Variants in RPS6KA2 observed in about 807,000 individuals in gnomAD.
RPS6KA2 encodes the protein ribosomal protein S6 kinase alpha-2.
A neutral mutation model predicts 91.8 loss-of-function variants in RPS6KA2; 42 were observed. The ratio of observed to expected loss-of-function variants is 0.46; its 90% confidence interval spans 0.36 to 0.59. RPS6KA2 has a LOEUF of 0.59. Among genes scored for constraint, RPS6KA2 ranks in the 20% least tolerant of loss-of-function variants. The pLI, the probability that RPS6KA2 is intolerant of heterozygous loss-of-function variation, is 0.00. For missense variants in RPS6KA2, 798 were observed against 978.5 expected, an observed-to-expected ratio of 0.82 and a Z score of 2.46; for synonymous variants, 414 against 393.6, an observed-to-expected ratio of 1.05 and a Z score of -0.61.
intron 1 of RPS6KA2, among the ~76,000 whole-genome samples, chr6:166,539,153 C>T (rs1783576277): frequency 1.3e-5 from 2 of 152,130 alleles, no homozygotes; most frequent in Non-Finnish European, 2.9e-5. Context: ...CTCCTGACCT[C>T]GCGATCCACC....
At chr6:166,717,643 T>G (rs1790049995) in intron 2 of RPS6KA2, among the ~76,000 whole-genome samples, 1 of 152,116 alleles carries the variant, frequency 6.6e-6, no homozygotes, top group African/African-American at 2.4e-5. Context: ...ACACGTTCCA[T>G]CCAGGGCGAG....
intron 14 of RPS6KA2, among the ~76,000 whole-genome samples, chr6:166,443,973 C>T (rs1247258396): frequency 1.3e-5 from 2 of 152,160 alleles, no homozygotes; most frequent in Admixed American, 6.6e-5. Context: ...TGGATCCTCA[C>T]AATTCAACCC....
intron 6 of RPS6KA2, among the ~76,000 whole-genome samples, chr6:166,503,831 A>C (rs113542111): frequency 0.014 from 2,190 of 152,376 alleles, 54 homozygotes; most frequent in African/African-American, 0.05. Flanking sequence ...TCAAAAATCT[A>C]GAATAGATTA....
intron 1 of RPS6KA2, among the ~76,000 whole-genome samples, chr6:166,618,064 G>A (rs1279117394): frequency 2.6e-5 from 4 of 152,254 alleles, no homozygotes; most frequent in Non-Finnish European, 5.9e-5. Context: ...GGCCATGCAA[G>A]GGGACCTGTG....
intron 1 of RPS6KA2, among the ~76,000 whole-genome samples, chr6:166,547,585 A>C (rs889518431): frequency 6.6e-6 from 1 of 152,228 alleles, no homozygotes; most frequent in African/African-American, 2.4e-5. Flanking sequence ...AATGGAGAGG[A>C]TGTGCTAGAA....
At chr6:166,559,821 A>G (rs1398943978) in intron 1 of RPS6KA2, among the ~76,000 whole-genome samples, 2 of 152,248 alleles carry the variant, frequency 1.3e-5, no homozygotes, top group Non-Finnish European at 2.9e-5. Context: ...TAATAGAGAT[A>G]TATTACAAGA....
chr6:166,570,690 T>C (rs1271291901), intron 1 of RPS6KA2, among the ~76,000 whole-genome samples: 1 of 152,112 alleles, frequency 6.6e-6, no homozygotes, highest in Non-Finnish European at 1.5e-5. Flanking sequence ...TAAATCAAAA[T>C]TAGCATGACA....
At chr6:166,808,981 G>A (rs1035714505) in intron 2 of RPS6KA2, among the ~76,000 whole-genome samples, 4 of 152,204 alleles carry the variant, frequency 2.6e-5, no homozygotes, top group Non-Finnish European at 5.9e-5. Flanking sequence ...GACACTAATA[G>A]TGATGGTAAT....
At chr6:166,839,227 G>A (rs1780397360) in intron 2 of RPS6KA2, among the ~76,000 whole-genome samples, 1 of 152,110 alleles carries the variant, frequency 6.6e-6, no homozygotes, top group Admixed American at 6.5e-5. Context: ...TGTCTTTATT[G>A]CTTTTTTCCT....
In RPS6KA2 at chr6:166,668,046, G is replaced by T. The variant is rs534116221; in HGVS notation, c.124-129262C>A. Among the ~76,000 whole-genome samples, 4 of 152,326 alleles carry T rather than the reference G, an allele frequency of 2.6e-5. No individual in the cohort carries two copies. The East Asian group carries it at 7.7e-4, about 29-fold the overall frequency. On this transcript the variant is annotated intron_variant, in intron 2 of 21. Transcript: ENST00000503859. ...GCACATATACAGAACACAGTCTCCT[G>T]GATTAAAGCACTCAGTGTGCAGGGT...
At chr6:166,527,295 C>T (rs11969346) in intron 3 of RPS6KA2, among the ~76,000 whole-genome samples, 29,763 of 151,988 alleles carry the variant, frequency 0.2, 3,100 homozygotes, top group African/African-American at 0.26. Context: ...GGAACCGTTA[C>T]GCTTGAAGGA....
At chr6:166,573,320 C>T (rs1784744654) in intron 1 of RPS6KA2, among the ~76,000 whole-genome samples, 1 of 152,214 alleles carries the variant, frequency 6.6e-6, no homozygotes, top group Admixed American at 6.5e-5. Context: ...CGGGCAGCAC[C>T]CTCGTGCAAA....
In RPS6KA2 at chr6:166,852,956, A is replaced by G. The variant is rs1173917646; in HGVS notation, c.123+5244T>C. 6.6e-6 allele frequency among the ~76,000 whole-genome samples: 1 copy of G among 152,152 alleles called. No homozygotes were observed. The highest frequency in any genetic ancestry group is 1.9e-4 in the East Asian group (1 of 5,200). On this transcript the variant is annotated intron_variant, in intron 2 of 21. Transcript: ENST00000503859. This position sits in a 1 kb window ranked among gnomAD's most constrained non-coding sequence, Gnocchi z 4.1. ...CTGCCCCCTCGCCCGGATACTTTCT[A>G]TTCTGCTATGAAAAACAGAGTAAAA...
intron 2 of RPS6KA2, among the ~76,000 whole-genome samples, chr6:166,691,001 T>G (rs1206971243): frequency 6.6e-6 from 1 of 152,228 alleles, no homozygotes; most frequent in Non-Finnish European, 1.5e-5. Flanking sequence ...AACAGCATAA[T>G]AATCAACAGC....
chr6:166,452,406 C>G (rs942323204), intron 12 of RPS6KA2, among the ~76,000 whole-genome samples: 4 of 152,100 alleles, frequency 2.6e-5, no homozygotes, highest in Non-Finnish European at 5.9e-5. Context: ...CCAAAGCAAT[C>G]TACAGATTCA....
intron 2 of RPS6KA2, among the ~76,000 whole-genome samples, chr6:166,698,820 T>C (rs773090457): frequency 1.1e-4 from 17 of 152,164 alleles, no homozygotes; most frequent in East Asian, 1.9e-4. Context: ...ACCAGCCTGG[T>C]TGGAGGACGG....
rs1302908970 is a variant in RPS6KA2 at position 166,612,324 on chromosome 6, C to T, written c.99+14597G>A. Among the ~76,000 whole-genome samples, 2 of 152,122 alleles carry T rather than the reference C, an allele frequency of 1.3e-5. No individual in the cohort carries two copies. The highest frequency in any genetic ancestry group is 4.8e-5 in the African/African-American group (2 of 41,422). On this transcript the variant is annotated intron_variant, in intron 1 of 20. Coordinates refer to ENST00000265678, the MANE Select transcript of RPS6KA2 (RefSeq NM_021135.6). This position sits in a 1 kb window ranked among gnomAD's most constrained non-coding sequence, Gnocchi z 4.3. The stretch of plus-strand genomic sequence containing the variant: ...CTGGGACTTGTCCTTTCTGGCTTCT[C>T]AGTGGTCTGCTCAGAGACGTTTATC...
At chr6:166,618,923 G>A (rs555654585) in intron 1 of RPS6KA2, among the ~76,000 whole-genome samples, 4 of 152,236 alleles carry the variant, frequency 2.6e-5, no homozygotes, top group Non-Finnish European at 4.4e-5. Flanking sequence ...GACGCTGCGC[G>A]CAAGAGCCCT....
intron 1 of RPS6KA2, among the ~76,000 whole-genome samples, chr6:166,561,082 T>A (rs184674949): frequency 6.6e-6 from 1 of 152,298 alleles, no homozygotes; most frequent in Admixed American, 6.5e-5. Context: ...AACTCAGGGC[T>A]GTTTCCAGTA....
Sources: allele counts gnomAD v4.1 joint callset (sites outside exome capture counted in the v4.1 genomes callset), GRCh38; gene constraint gnomAD v4.1.1; non-coding constraint Gnocchi (gnomAD v3.1); transcripts MANE v1.5; gene names NCBI Gene and HGNC (gene_info 2026-07-23, HGNC 2026-07-21).